The following COL4A6 variants were observed in gnomAD, a reference collection of about 807,000 sequenced individuals.
The protein encoded by COL4A6 is collagen alpha-6(IV) chain.
A neutral mutation model predicts 126.7 loss-of-function variants in COL4A6; 59 were observed. The ratio of observed to expected loss-of-function variants is 0.47; its 90% CI spans 0.38 to 0.58. The LOEUF (loss-of-function observed/expected upper bound fraction) is 0.58. Among genes scored for constraint, COL4A6 ranks in the 20% least tolerant of loss-of-function variants. The probability of loss-of-function intolerance (pLI) is 0.00; values close to 1 mark genes in which losing one functional copy is unlikely to be tolerated. For missense variants in COL4A6, 1,285 were observed against 1,337.3 expected, an observed-to-expected ratio of 0.96 and a Z score of 0.61; for synonymous variants, 547 against 496.6, an observed-to-expected ratio of 1.10 and a Z score of -1.35.
At chrX:108,258,007 A>G (rs2037051289) in intron 3 of COL4A6, among the ~76,000 whole-genome samples, 1 of 111,779 alleles carries the variant, frequency 8.9e-6, no homozygotes. Context: ...TGTTTGTCAG[A>G]AGTTGAAGGG....
At chrX:108,207,144 A>C (rs1053219874) in intron 8 of COL4A6, among the ~76,000 whole-genome samples, 21 of 112,062 alleles carry the variant, frequency 1.9e-4, no homozygotes, top group Non-Finnish European at 1.9e-5. Context: ...CAAATATTGA[A>C]GTCTAATTAA....
Position 108,170,603 on chromosome X carries a change from A to C in COL4A6, c.3493+6T>G. 1 of 1,191,648 alleles carries C rather than the reference A, an allele frequency of 8.4e-7. No individual in the cohort carries two copies. The highest frequency in any genetic ancestry group is 1.1e-6 in the Non-Finnish European group (1 of 881,204). The stretch of plus-strand genomic sequence containing the variant: ...TTCCCCACTGCCTGCTCCCAAATAC[A>C]CATACCTTTGGGTCCTATTAATCCG... On this transcript the variant is annotated splice_donor_region_variant and intron_variant, in intron 35 of 44. Transcript: ENST00000334504.
intron 2 of COL4A6, among the ~76,000 whole-genome samples, chrX:108,399,413 A>G (rs746728989): frequency 9.0e-6 from 1 of 111,373 alleles, no homozygotes; most frequent in South Asian, 3.8e-4. Context: ...TTACATTTAC[A>G]TTCTAGATTG....
At chrX:108,242,715 C>T (rs1245311160) in intron 3 of COL4A6, among the ~76,000 whole-genome samples, 2 of 110,897 alleles carry the variant, frequency 1.8e-5, no homozygotes, top group African/African-American at 6.6e-5. Context: ...AAAGTGGTCG[C>T]TTGACTCACT....
intron 3 of COL4A6, among the ~76,000 whole-genome samples, chrX:108,306,311 T>C (rs1302477394): frequency 5.4e-5 from 6 of 111,842 alleles, no homozygotes; most frequent in Admixed American, 3.8e-4. Context: ...ATATTTGTCA[T>C]GAAATAAGGC....
At chrX:108,356,483 G>T (rs923298026) in intron 2 of COL4A6, among the ~76,000 whole-genome samples, 1 of 111,143 alleles carries the variant, frequency 9.0e-6, no homozygotes, top group African/African-American at 3.3e-5. Flanking sequence ...GAAGATATGG[G>T]GCTAAACCAG....
At chrX:108,312,314 A>G (rs1217559891) in intron 2 of COL4A6, among the ~76,000 whole-genome samples, 2 of 112,223 alleles carry the variant, frequency 1.8e-5, no homozygotes, top group Non-Finnish European at 3.8e-5. Context: ...CACCTTGGTA[A>G]TAAGGTAAAG....
chrX:108,394,039 TGATAGACTG>T (rs780519477), intron 2 of COL4A6, among the ~76,000 whole-genome samples: 1 of 112,018 alleles, frequency 8.9e-6, no homozygotes, highest in South Asian at 3.8e-4. Flanking sequence ...TGTCCATCAA[TGATAGACTG>T]GATAAAGAAA....
At chrX:108,421,857 T>C (rs2063986636) in intron 2 of COL4A6, among the ~76,000 whole-genome samples, 1 of 112,079 alleles carries the variant, frequency 8.9e-6, no homozygotes, top group Admixed American at 9.5e-5. Flanking sequence ...ATTGGCAGTG[T>C]TTTACTTCTT....
chrX:108,323,811 C>T (rs2039085549), intron 2 of COL4A6, among the ~76,000 whole-genome samples: 1 of 112,213 alleles, frequency 8.9e-6, no homozygotes, highest in African/African-American at 3.2e-5. Flanking sequence ...AACAGCCTTC[C>T]TTTTTGACTA....
At chrX:108,239,381 C>A (rs774311367) in intron 3 of COL4A6, among the ~76,000 whole-genome samples, 7 of 111,807 alleles carry the variant, frequency 6.3e-5, no homozygotes, top group African/African-American at 2.3e-4. Flanking sequence ...GGTAGCAATC[C>A]AACTCTATTT....
intron 3 of COL4A6, among the ~76,000 whole-genome samples, chrX:108,307,079 C>A (rs2038643875): frequency 9.8e-6 from 1 of 102,006 alleles, no homozygotes; most frequent in Non-Finnish European, 1.9e-5. Flanking sequence ...AAATGTCAAC[C>A]TAAAATGTTT....
At chrX:108,187,336 T>A in intron 22 of COL4A6, 57 bp from the exon 23 acceptor site, 1 of 968,343 alleles carries the variant, frequency 1.0e-6, no homozygotes, top group East Asian at 3.3e-5. Context: ...ATCTGGACAG[T>A]CCTCTGACTA....
intron 31 of COL4A6, among the ~76,000 whole-genome samples, chrX:108,173,817 C>G (rs1171198152): frequency 8.9e-6 from 1 of 112,378 alleles, no homozygotes; most frequent in Non-Finnish European, 1.9e-5. Flanking sequence ...AGGTTCAAAT[C>G]CAGGTTGGTC....
chrX:108,157,003 C>A lies in COL4A6; in HGVS notation c.5070G>T (p.Leu1690=). The part of the protein sequence containing the change: ...VSRCQVCMKS[L] The stretch of plus-strand genomic sequence containing the variant: ...GGGCAGAGTGGCAGGTGCCACCCTA[C>A]AGGCTTTTCATACACACCTGGCAGC... Residue 1690 remains leucine, a synonymous_variant, in exon 45 of 45, where the codon CTG becomes CTT. Coordinates refer to ENST00000334504, the MANE Select transcript of COL4A6 (RefSeq NM_033641.4). 8.3e-7 allele frequency: 1 copy of A among 1,207,004 alleles called. No individual in the cohort carries two copies. The highest frequency in any genetic ancestry group is 1.1e-6 in the Non-Finnish European group (1 of 893,125).
At chrX:108,264,784 C>T (rs965419669) in intron 3 of COL4A6, among the ~76,000 whole-genome samples, 1 of 111,409 alleles carries the variant, frequency 9.0e-6, no homozygotes, top group Non-Finnish European at 1.9e-5. Flanking sequence ...GGCAACAGAT[C>T]GTAATTCTAA....
At chrX:108,220,167 G>A (rs1028018150) in intron 4 of COL4A6, among the ~76,000 whole-genome samples, 1 of 111,698 alleles carries the variant, frequency 9.0e-6, no homozygotes, top group Non-Finnish European at 1.9e-5. Flanking sequence ...TCAATTTCTT[G>A]CTGGCCTACT....
At chrX:108,309,886 A>G (rs757879893) in intron 3 of COL4A6, among the ~76,000 whole-genome samples, 2 of 108,657 alleles carry the variant, frequency 1.8e-5, no homozygotes, top group African/African-American at 3.4e-5. Context: ...CCAAAATCCA[A>G]AATGCTCCAA....
chrX:108,221,883 G>A lies in COL4A6; in HGVS notation c.145-509C>T, dbSNP rs369045345. On this transcript the variant is annotated intron_variant, in intron 3 of 44. Coordinates refer to ENST00000334504, the MANE Select transcript of COL4A6 (RefSeq NM_033641.4). ...GACAAACCTGCAAGAGCTCATCTTC[G>A]TTGGCAGATCCCAGGACTCCATCAC... Among the ~76,000 whole-genome samples, 6 of 112,623 alleles carry A rather than the reference G, an allele frequency of 5.3e-5. No individual in the cohort carries two copies. In the East Asian group the frequency reaches 1.1e-3, roughly 21 times the overall value.
Sources: allele counts gnomAD v4.1 joint callset (sites outside exome capture counted in the v4.1 genomes callset), GRCh38; gene constraint gnomAD v4.1.1; transcripts MANE v1.5; gene names NCBI Gene and HGNC (gene_info 2026-07-23, HGNC 2026-07-21).